CSF1R: variants seen among roughly 807,000 people sequenced by gnomAD.
CSF1R encodes macrophage colony-stimulating factor 1 receptor.
A neutral mutation model predicts 110.0 loss-of-function variants in CSF1R; 40 were observed. That is an observed-to-expected ratio of 0.36 (90% CI 0.28 to 0.47). The LOEUF (loss-of-function observed/expected upper bound fraction) is 0.47. CSF1R is among the 20% of genes least tolerant of loss of function. CSF1R has a pLI of 0.99. For synonymous variants in CSF1R, 523 were observed against 503.4 expected (o/e 1.04, Z -0.52); for missense variants, 1,052 against 1,253.0 (o/e 0.84, Z 2.42).
At chr5:150,095,112 G>C in intron 1 of CSF1R, 8 of 327,330 alleles carry the variant, frequency 2.4e-5, no homozygotes, top group Admixed American at 5.7e-5. Flanking sequence ...TCTCAAATTG[G>C]AAAAAAAAAA....
chr5:150,053,796 A>G lies in CSF1R; in HGVS notation c.*273T>C, dbSNP rs1163676280. The G allele has an allele frequency of 3.7e-6, 2 of 541,450 alleles. No homozygotes were observed. Among genetic ancestry groups the G allele is most frequent in the Middle Eastern group, 4.9e-4 (1 of 2,032 alleles). The allele number at this position is 541,450 out of a possible 1,614,324, so 33.5% of individuals were successfully genotyped here. On this transcript the variant is annotated 3_prime_UTR_variant, in exon 21 of 21. Coordinates refer to ENST00000675795, the MANE Select transcript of CSF1R (RefSeq NM_001288705.3). ...AGGAAAGAAGGTTCTACTAGTTGGC[A>G]TAGCAAACACGAGGCCAACACCATG...
At chr5:150,056,439 C>A in intron 16 of CSF1R, 98 bp from the exon 17 acceptor site, 1 of 1,486,416 alleles carries the variant, frequency 6.7e-7, no homozygotes. Context: ...TTTGGAGTCC[C>A]TGCTGGAGTG....
At chr5:150,112,755 T>C (rs1269553544) in intron 1 of CSF1R, among the ~76,000 whole-genome samples, 1 of 152,196 alleles carries the variant, frequency 6.6e-6, no homozygotes, top group Non-Finnish European at 1.5e-5. Context: ...CTGGTGTGGC[T>C]CAGCTGCCCC....
intron 6 of CSF1R, among the ~76,000 whole-genome samples, chr5:150,071,333 G>GAA (rs1758022719): frequency 1.3e-5 from 2 of 152,074 alleles, no homozygotes; most frequent in Admixed American, 6.5e-5. Flanking sequence ...ATGAACATGT[G>GAA]TTGTTTAGGT....
intron 14 of CSF1R, 45 bp from the exon 15 acceptor site, chr5:150,057,637 C>T (rs1282224032): frequency 1.4e-6 from 2 of 1,454,020 alleles, no homozygotes; most frequent in Non-Finnish European, 1.9e-6. Flanking sequence ...CTCATCATCA[C>T]TGCACTGCTC....
At chr5:150,088,127 ATGTG>A (rs1184490497), upstream of CSF1R, among the ~76,000 whole-genome samples, 5 of 152,186 alleles carry the variant, frequency 3.3e-5, no homozygotes, top group African/African-American at 9.6e-5. Flanking sequence ...TGTGGTGTGT[ATGTG>A]TGTGTTTGTA....
At chr5:150,111,373 A>G (rs1024140353) in intron 1 of CSF1R, among the ~76,000 whole-genome samples, 1 of 152,144 alleles carries the variant, frequency 6.6e-6, no homozygotes, top group African/African-American at 2.4e-5. Flanking sequence ...GCCTGAGGGG[A>G]GAGACTGGGA....
chr5:150,073,402 G>A lies in CSF1R; in HGVS notation c.981C>T (p.Ala327=). Residue 327 remains alanine, a synonymous_variant, in exon 6 of 21, where the codon GCC becomes GCT. Transcript: ENST00000675795. ...EGLNLKVMVE[A]YPGLQGFNWT... Reference sequence around the variant, plus strand: ...AGTTAAAACCTTGCAGGCCTGGGTAGGCCTCCACCATGACTTTGAGGTTGA... The same window carrying A: ...AGTTAAAACCTTGCAGGCCTGGGTAAGCCTCCACCATGACTTTGAGGTTGA... The A allele has an allele frequency of 3.1e-6, 5 of 1,614,058 alleles. No individual in the cohort carries two copies. Among genetic ancestry groups the A allele is most frequent in the Non-Finnish European group, 3.4e-6 (4 of 1,180,000 alleles).
At position 150,100,180 on chromosome 5, in the gene CSF1R, T is replaced by TA. The variant is rs200162835; in HGVS notation, c.-181+13080dup. Among the ~76,000 whole-genome samples the TA allele has an allele frequency of 8.2e-4, 121 of 148,058 alleles. 2 individuals carry two copies. In the East Asian group the frequency reaches 0.017, roughly 20 times the overall value. On this transcript the variant is annotated intron_variant, in intron 1 of 21. Transcript: ENST00000286301. ...GACAACATAGTGAGAGCCCATCTCT[T>TA]AAAAAAAAATTCCTAGATATGGATC... is the stretch of plus-strand genomic sequence containing the variant.
chr5:150,072,773 G>C (rs1442965946), intron 6 of CSF1R, among the ~76,000 whole-genome samples: 1 of 152,206 alleles, frequency 6.6e-6, no homozygotes. Flanking sequence ...GAAGAGTTTT[G>C]AGCTTACAGA....
chr5:150,079,916 T>A, intron 3 of CSF1R, 136 bp downstream of exon 3: 1 of 1,078,146 alleles, frequency 9.3e-7, no homozygotes, highest in Non-Finnish European at 1.3e-6. Context: ...CGTGGAACCA[T>A]TGAGGGGAAG....
chr5:150,074,304 A>C (rs1239508796), intron 5 of CSF1R, among the ~76,000 whole-genome samples: 1 of 114,704 alleles, frequency 8.7e-6, no homozygotes, highest in African/African-American at 3.8e-5. Flanking sequence ...AGTCCTGACT[A>C]GTTTTTTTTT....
chr5:150,101,166 A>AG (rs1037966002), intron 1 of CSF1R, among the ~76,000 whole-genome samples: 18 of 152,042 alleles, frequency 1.2e-4, no homozygotes, highest in African/African-American at 4.3e-4. Context: ...GATGGAAGTG[A>AG]GGGTGTTCCA....
Position 150,070,119 on chromosome 5 carries a change from C to T in CSF1R, c.1320-56G>A, listed in dbSNP as rs998268016. 1.1e-5 allele frequency: 18 copies of T among 1,608,878 alleles called. No individual in the cohort carries two copies. In the African/African-American group the frequency reaches 2.4e-4, roughly 21 times the overall value. The stretch of plus-strand genomic sequence containing the variant: ...CAGGGTTCCCAGCGCCAGCATGTCC[C>T]TCCCACTCACAGGGTGCCCAGCCCC... On this transcript the variant is annotated intron_variant, in intron 8 of 20. Coordinates refer to ENST00000675795, the MANE Select transcript of CSF1R (RefSeq NM_001288705.3).
chr5:150,113,358 C>G (rs564841984), exon 1 of CSF1R: 1 of 153,586 alleles, frequency 6.5e-6, no homozygotes, highest in South Asian at 2.1e-4. Flanking sequence ...CTTTTGGACA[C>G]TCTGTCTGCC....
intron 1 of CSF1R, among the ~76,000 whole-genome samples, chr5:150,102,097 C>T (rs1288235835): frequency 6.6e-6 from 1 of 152,138 alleles, no homozygotes; most frequent in Non-Finnish European, 1.5e-5. Context: ...CAGTGGACAT[C>T]CTTGCACATG....
chr5:150,082,444 C>G (rs1473360934), intron 1 of CSF1R, among the ~76,000 whole-genome samples: 1 of 152,234 alleles, frequency 6.6e-6, no homozygotes, highest in African/African-American at 2.4e-5. Context: ...GATCAGCAAA[C>G]GAGATTGAGT....
At chr5:150,065,592 G>A (rs969129072) in intron 10 of CSF1R, among the ~76,000 whole-genome samples, 4 of 152,244 alleles carry the variant, frequency 2.6e-5, no homozygotes, top group Non-Finnish European at 5.9e-5. Context: ...GAAGGGGCAA[G>A]GCTCCGAACC....
intron 6 of CSF1R, 48 bp from the exon 7 acceptor site, chr5:150,070,619 C>T: frequency 7.5e-7 from 1 of 1,327,548 alleles, no homozygotes; most frequent in South Asian, 1.6e-5. Context: ...CCTAGTATGG[C>T]CCCTGCCAGG....
Sources: allele counts gnomAD v4.1 joint callset (sites outside exome capture counted in the v4.1 genomes callset), GRCh38; gene constraint gnomAD v4.1.1; transcripts MANE v1.5; gene names NCBI Gene and HGNC (gene_info 2026-07-23, HGNC 2026-07-21).